The following TMTC2 variants were observed in gnomAD, a reference collection of about 807,000 sequenced individuals.
The protein encoded by TMTC2 is protein O-mannosyl-transferase TMTC2.
Under a neutral mutation model 82.4 loss-of-function variants are expected in TMTC2, and 43 were observed. The ratio of observed to expected loss-of-function variants is 0.52; its 90% CI spans 0.41 to 0.67. The LOEUF is 0.67. Ranked by LOEUF, TMTC2 falls within the 30% of genes least tolerant of loss-of-function variation. TMTC2 has a pLI of 0.00. For synonymous variants in TMTC2, 408 were observed against 381.9 expected (o/e 1.07, Z -0.80); for missense variants, 919 against 1,012.4 (o/e 0.91, Z 1.25).
intron 7 of TMTC2, among the ~76,000 whole-genome samples, chr12:82,975,382 C>A (rs1878623828): frequency 6.6e-6 from 1 of 152,146 alleles, no homozygotes; most frequent in Non-Finnish European, 1.5e-5. Context: ...GAAGCCATCA[C>A]CATATTCACT....
chr12:83,045,089 A>T (rs1882037183), intron 9 of TMTC2, among the ~76,000 whole-genome samples: 1 of 152,246 alleles, frequency 6.6e-6, no homozygotes, highest in South Asian at 2.1e-4. Context: ...AATTGTCCAG[A>T]GAAGAAATGG....
At chr12:82,968,321 TA>T (rs1338209058) in intron 7 of TMTC2, among the ~76,000 whole-genome samples, 1 of 152,186 alleles carries the variant, frequency 6.6e-6, no homozygotes, top group Non-Finnish European at 1.5e-5. Flanking sequence ...CAATGCCTTT[TA>T]TTATTCAGCA....
chr12:82,769,163 T>G (rs1398726581), intron 1 of TMTC2, among the ~76,000 whole-genome samples: 1 of 151,456 alleles, frequency 6.6e-6, no homozygotes, highest in Non-Finnish European at 1.5e-5. Flanking sequence ...CAATATTACT[T>G]TAAGAGCAAC....
At chr12:82,876,345 TAA>T (rs1489670017) in intron 2 of TMTC2, among the ~76,000 whole-genome samples, 1 of 152,162 alleles carries the variant, frequency 6.6e-6, no homozygotes, top group Non-Finnish European at 1.5e-5. Context: ...TGTTTTGTTT[TAA>T]GTCTTGGTGA....
At chr12:82,819,497 C>CTTTTTTTTT (rs766912583) in intron 1 of TMTC2, among the ~76,000 whole-genome samples, 7 of 118,286 alleles carry the variant, frequency 5.9e-5, no homozygotes, top group Non-Finnish European at 1.0e-4. Context: ...TTCTCTCTTT[C>CTTTTTTTTT]TTTTTTTTTT....
At chr12:82,898,110 T>G (rs573194119) in intron 3 of TMTC2, among the ~76,000 whole-genome samples, 1 of 152,174 alleles carries the variant, frequency 6.6e-6, no homozygotes, top group Non-Finnish European at 1.5e-5. Context: ...TTTAATAAAT[T>G]GCAGGGATTT....
chr12:82,732,491 C>T (rs568048660), intron 1 of TMTC2, among the ~76,000 whole-genome samples: 6 of 152,164 alleles, frequency 3.9e-5, no homozygotes, highest in South Asian at 2.1e-4. Flanking sequence ...TACAGGCACC[C>T]GCCACCACGC....
At chr12:82,946,887 G>A (rs916017221) in intron 4 of TMTC2, among the ~76,000 whole-genome samples, 2 of 151,698 alleles carry the variant, frequency 1.3e-5, no homozygotes, top group Admixed American at 6.6e-5. Flanking sequence ...GACTACAGGC[G>A]CCCGCCACCA....
intron 1 of TMTC2, among the ~76,000 whole-genome samples, chr12:82,692,386 T>G (rs1392372023): frequency 6.6e-6 from 1 of 152,196 alleles, no homozygotes; most frequent in Non-Finnish European, 1.5e-5. Context: ...CAGCATGCAT[T>G]AGGAACATAG....
chr12:83,042,624 C>G (rs148765864), intron 9 of TMTC2, among the ~76,000 whole-genome samples: 1 of 152,116 alleles, frequency 6.6e-6, no homozygotes, highest in Non-Finnish European at 1.5e-5. Context: ...CCAGTCTCCC[C>G]GCTTCTTCTT....
At chr12:83,020,196 G>T (rs150704906) in intron 8 of TMTC2, among the ~76,000 whole-genome samples, 2 of 152,052 alleles carry the variant, frequency 1.3e-5, no homozygotes, top group African/African-American at 4.8e-5. Context: ...GAAGTTTTTC[G>T]TGCTTCGTTA....
chr12:82,753,796 C>T (rs1004701627), intron 1 of TMTC2, among the ~76,000 whole-genome samples: 4 of 152,074 alleles, frequency 2.6e-5, no homozygotes, highest in Non-Finnish European at 5.9e-5. Flanking sequence ...GTTTTTGATA[C>T]AAAAGTTAAT....
chr12:83,125,182 G>A (rs1332571044), intron 11 of TMTC2, among the ~76,000 whole-genome samples: 2 of 152,210 alleles, frequency 1.3e-5, no homozygotes, highest in Non-Finnish European at 2.9e-5. Context: ...TCTCCCAGAG[G>A]TCTACTGTCT....
At chr12:82,777,298 C>G (rs10862507) in intron 1 of TMTC2, among the ~76,000 whole-genome samples, 20,352 of 152,046 alleles carry the variant, frequency 0.13, 1,532 homozygotes, top group Middle Eastern at 0.21. Flanking sequence ...TATAGTTCTT[C>G]TACTTATTGC....
intron 3 of TMTC2, among the ~76,000 whole-genome samples, chr12:82,913,091 ATC>A (rs1390370330): frequency 1.3e-5 from 2 of 152,162 alleles, no homozygotes; most frequent in African/African-American, 4.8e-5. Context: ...CATTTTTCTT[ATC>A]TCTAATCACA....
chr12:82,844,511 T>C (rs190886352), intron 1 of TMTC2, among the ~76,000 whole-genome samples: 1 of 152,262 alleles, frequency 6.6e-6, no homozygotes, highest in Admixed American at 6.5e-5. Flanking sequence ...TTTTAGAATC[T>C]AGTGTTCCAG....
intron 8 of TMTC2, among the ~76,000 whole-genome samples, chr12:83,020,561 G>A (rs1341750080): frequency 6.6e-6 from 1 of 152,148 alleles, no homozygotes; most frequent in Non-Finnish European, 1.5e-5. Context: ...CTTAGATGTT[G>A]TAATGAAATG....
intron 8 of TMTC2, among the ~76,000 whole-genome samples, chr12:82,988,123 C>G (rs761731256): frequency 6.6e-6 from 1 of 152,050 alleles, no homozygotes; most frequent in Non-Finnish European, 1.5e-5. Flanking sequence ...GCAAATCAGA[C>G]TAAGCTTTTA....
chr12:82,802,024 C>T lies in TMTC2; in HGVS notation c.84-54986C>T, dbSNP rs147240310. On this transcript the variant is annotated intron_variant, in intron 1 of 11. Coordinates refer to ENST00000321196, the MANE Select transcript of TMTC2 (RefSeq NM_152588.3). ...CAGGTGGAGCTGCCTGCCAGTCCCA[C>T]GCCGTGCGCCCACACACTCCTCAGC... 2.4e-3 allele frequency among the ~76,000 whole-genome samples: 339 copies of T among 141,670 alleles called. 10 individuals are homozygous for T. The East Asian group carries it at 0.039, about 16-fold the overall frequency. 92.9% of individuals were successfully genotyped at this position (141,670 alleles called of 152,430 possible). A position where few individuals can be genotyped will look rare whatever the true frequency, so the allele number is the denominator to read the frequency against.
Sources: gnomAD v4.1 joint callset for allele counts (sites outside exome capture counted in the v4.1 genomes callset) on GRCh38, gnomAD v4.1.1 for gene constraint, MANE v1.5 for transcripts, NCBI Gene and HGNC (gene_info 2026-07-23, HGNC 2026-07-21) for gene names.